Variants in ATXN1 observed in about 807,000 individuals in gnomAD.
The protein encoded by ATXN1 is ataxin 1.
In ATXN1, 8 loss-of-function variants were observed where a neutral mutation model predicts 56.4. The observed-to-expected ratio is 0.14, with a 90% CI of 0.08 to 0.26. ATXN1 has a LOEUF of 0.26. Ranked by LOEUF, ATXN1 falls within the 10% of genes least tolerant of loss-of-function variation. The pLI is 1.00. For missense variants in ATXN1, 987 were observed against 1,106.5 expected (o/e 0.89, Z 1.53); for synonymous variants, 514 against 494.6 (o/e 1.04, Z -0.52).
chr6:16,593,862 T>C (rs1581868714), intron 3 of ATXN1, among the ~76,000 whole-genome samples: 1 of 17,048 alleles, frequency 5.9e-5, no homozygotes, highest in African/African-American at 1.6e-4. Context: ...TGTGTGCATA[T>C]ATATATATAT....
intron 7 of ATXN1, among the ~76,000 whole-genome samples, chr6:16,311,903 G>A (rs1260880286): frequency 6.6e-6 from 1 of 152,228 alleles, no homozygotes; most frequent in Non-Finnish European, 1.5e-5. Flanking sequence ...ACACCAGGCA[G>A]AGGTAATGTG....
chr6:16,518,024 A>G (rs759669983), intron 5 of ATXN1, among the ~76,000 whole-genome samples: 1 of 152,256 alleles, frequency 6.6e-6, no homozygotes, highest in Non-Finnish European at 1.5e-5. Flanking sequence ...CATGCAGTCC[A>G]TGAGACCGAC....
intron 2 of ATXN1, among the ~76,000 whole-genome samples, chr6:16,697,851 T>C (rs1341708893): frequency 1.3e-5 from 2 of 152,114 alleles, no homozygotes; most frequent in African/African-American, 2.4e-5. Flanking sequence ...CAATAACCAA[T>C]GGGACATGGA....
chr6:16,570,211 T>C (rs539442690), intron 4 of ATXN1, among the ~76,000 whole-genome samples: 3 of 152,326 alleles, frequency 2.0e-5, no homozygotes, highest in African/African-American at 7.2e-5. Flanking sequence ...CTCACACCGC[T>C]GAGATTTTAT....
chr6:16,426,452 C>T (rs745672897), intron 6 of ATXN1, among the ~76,000 whole-genome samples: 6 of 152,078 alleles, frequency 3.9e-5, no homozygotes, highest in Non-Finnish European at 5.9e-5. Flanking sequence ...AGCTCTTCTG[C>T]AAGCAGATGG....
intron 6 of ATXN1, among the ~76,000 whole-genome samples, chr6:16,332,515 C>T (rs182001002): frequency 1.6e-4 from 24 of 152,260 alleles, no homozygotes; most frequent in African/African-American, 3.6e-4. Flanking sequence ...CCCAGGGGAC[C>T]CCCGAGGAGT....
chr6:16,637,358 AG>A (rs1424093406), intron 3 of ATXN1, among the ~76,000 whole-genome samples: 1 of 73,262 alleles, frequency 1.4e-5, no homozygotes, highest in East Asian at 3.8e-4. Context: ...GAGTGGGGGG[AG>A]GGGGGAGGGA....
At chr6:16,465,464 C>A (rs920133893) in intron 6 of ATXN1, among the ~76,000 whole-genome samples, 2 of 151,964 alleles carry the variant, frequency 1.3e-5, no homozygotes, top group Admixed American at 1.3e-4. Context: ...TTTCCAAAAA[C>A]AAAACAAAAC....
intron 6 of ATXN1, among the ~76,000 whole-genome samples, chr6:16,414,349 C>T (rs568225980): frequency 1.2e-4 from 18 of 152,282 alleles, no homozygotes; most frequent in African/African-American, 2.4e-4. Flanking sequence ...CTGTTAAAAC[C>T]CATCCAACCC....
At chr6:16,575,087 G>C (rs1007904494) in intron 4 of ATXN1, among the ~76,000 whole-genome samples, 1 of 152,126 alleles carries the variant, frequency 6.6e-6, no homozygotes, top group Non-Finnish European at 1.5e-5. Flanking sequence ...ATGTCAATAT[G>C]TATCACTGGT....
intron 5 of ATXN1, among the ~76,000 whole-genome samples, chr6:16,512,292 G>C (rs770259384): frequency 2.0e-5 from 3 of 152,218 alleles, no homozygotes; most frequent in South Asian, 4.1e-4. Context: ...GACACAATTT[G>C]CTCTAATGTT....
chr6:16,438,013 G>C (rs1361341621), intron 6 of ATXN1, among the ~76,000 whole-genome samples: 1 of 152,226 alleles, frequency 6.6e-6, no homozygotes, highest in African/African-American at 2.4e-5. Flanking sequence ...TTTTGGCACT[G>C]GTCCATGAGG....
At chr6:16,597,519 G>T (rs1262679813) in intron 3 of ATXN1, among the ~76,000 whole-genome samples, 3 of 150,798 alleles carry the variant, frequency 2.0e-5, no homozygotes, top group Non-Finnish European at 4.4e-5. Flanking sequence ...GCTCACTGCA[G>T]CCTCTACCTC....
chr6:16,592,841 A>G (rs1762746591), intron 3 of ATXN1, among the ~76,000 whole-genome samples: 2 of 101,598 alleles, frequency 2.0e-5, no homozygotes, highest in South Asian at 7.4e-4. Context: ...AAAGAATCTG[A>G]GCAGGTTGCA....
intron 6 of ATXN1, among the ~76,000 whole-genome samples, chr6:16,431,763 C>T (rs567474262): frequency 1.3e-4 from 20 of 152,334 alleles, no homozygotes; most frequent in African/African-American, 4.1e-4. Flanking sequence ...AATCCTTCTT[C>T]GCCACTATGC....
chr6:16,485,916 T>A (rs1220539418), intron 6 of ATXN1, 56 bp downstream of exon 6: 2 of 152,198 alleles, frequency 1.3e-5, no homozygotes, highest in Non-Finnish European at 2.9e-5. Flanking sequence ...CATCAAGTGA[T>A]TCATGAATCC....
At chr6:16,613,280 A>AC (rs1254461156) in intron 3 of ATXN1, among the ~76,000 whole-genome samples, 1 of 150,808 alleles carries the variant, frequency 6.6e-6, no homozygotes, top group Non-Finnish European at 1.5e-5. Context: ...TCAAAAAAAA[A>AC]AAAAAAAAAA....
In ATXN1 at chr6:16,678,515, G is replaced by A. The variant is rs142278041; in HGVS notation, c.-614-20614C>T. On this transcript the variant is annotated intron_variant, in intron 2 of 7. Transcript: ENST00000436367. ...AACCTGGCTGTCTTTTGGCTGGGAT[G>A]TTCCCAGCTAAAAATGAGAAATCAG... Among the ~76,000 whole-genome samples, 26 of 152,262 alleles carry A rather than the reference G, an allele frequency of 1.7e-4. 1 individual carries two copies. The East Asian group carries it at 4.4e-3, about 26-fold the overall frequency.
intron 4 of ATXN1, among the ~76,000 whole-genome samples, chr6:16,544,346 G>A (rs1761772517): frequency 6.6e-6 from 1 of 152,160 alleles, no homozygotes; most frequent in Non-Finnish European, 1.5e-5. Context: ...GCTCTGCTTG[G>A]GGGACTCCGC....
Sources: gnomAD v4.1 joint callset for allele counts (sites outside exome capture counted in the v4.1 genomes callset) on GRCh38, gnomAD v4.1.1 for gene constraint, MANE v1.5 for transcripts, NCBI Gene and HGNC (gene_info 2026-07-23, HGNC 2026-07-21) for gene names.